PWWP2A: variants seen among roughly 807,000 people sequenced by gnomAD.
The protein encoded by PWWP2A is PWWP domain containing 2A.
PWWP2A carries 18 observed loss-of-function variants against 48.5 expected under a neutral mutation model. The ratio of observed to expected loss-of-function variants is 0.37; its 90% CI spans 0.26 to 0.55. The LOEUF (loss-of-function observed/expected upper bound fraction) is 0.55, where lower values mean the gene tolerates loss of function less well. PWWP2A is among the 20% of genes least tolerant of loss of function. The pLI, the probability that PWWP2A is intolerant of heterozygous loss-of-function variation, is 0.81. For missense variants in PWWP2A, 867 were observed against 976.4 expected, an observed-to-expected ratio of 0.89 and a Z score of 1.49; for synonymous variants, 396 against 387.7, an observed-to-expected ratio of 1.02 and a Z score of -0.25.
chr5:160,116,443 A>G (rs1018915332), intron 1 of PWWP2A, among the ~76,000 whole-genome samples: 1 of 152,166 alleles, frequency 6.6e-6, no homozygotes, highest in African/African-American at 2.4e-5. Flanking sequence ...GCGGCAGAGC[A>G]AGACTCCGTC....
the PWWP2A span, among the ~76,000 whole-genome samples, chr5:160,051,602 A>C: frequency 4.6e-5 from 7 of 152,190 alleles, no homozygotes; most frequent in African/African-American, 1.7e-4. Flanking sequence ...AGAAAATGGC[A>C]CTCAAAGTCC....
chr5:160,095,047 C>CAAAAAA (rs70987998), intron 1 of PWWP2A, among the ~76,000 whole-genome samples: 3,190 of 30,896 alleles, frequency 0.1, 1,144 homozygotes, highest in Admixed American at 0.14. Flanking sequence ...GACTCTGTCT[C>CAAAAAA]AAAAAAAAAA....
chr5:160,101,162 C>T (rs746973371), intron 1 of PWWP2A, among the ~76,000 whole-genome samples: 10 of 152,114 alleles, frequency 6.6e-5, no homozygotes, highest in Non-Finnish European at 1.3e-4. Context: ...ACCAGCCTGG[C>T]CAACATGGTG....
chr5:160,063,216 C>G (rs575983704), intron 5 of PWWP2A, among the ~76,000 whole-genome samples: 1 of 152,158 alleles, frequency 6.6e-6, no homozygotes, highest in African/African-American at 2.4e-5. Context: ...TTAGGGAGGC[C>G]TGTAAAATGT....
chr5:160,115,929 G>A (rs56820739), intron 1 of PWWP2A, among the ~76,000 whole-genome samples: 8,453 of 151,636 alleles, frequency 0.056, 273 homozygotes, highest in East Asian at 0.1. Flanking sequence ...ACATAAGTGC[G>A]AATTACAAAA....
chr5:160,096,548 T>C (rs73311157), intron 1 of PWWP2A, among the ~76,000 whole-genome samples: 1,949 of 152,340 alleles, frequency 0.013, 48 homozygotes, highest in African/African-American at 0.045. Context: ...TTTTCTAACT[T>C]GTAAGAAGGC....
At chr5:160,110,436 G>T (rs2113656116) in intron 1 of PWWP2A, among the ~76,000 whole-genome samples, 1 of 152,282 alleles carries the variant, frequency 6.6e-6, no homozygotes, top group East Asian at 1.9e-4. Context: ...GCCGGACGTG[G>T]TGGCTCAAGC....
At chr5:160,082,422 C>A (rs1487803822) in intron 2 of PWWP2A, among the ~76,000 whole-genome samples, 1 of 145,766 alleles carries the variant, frequency 6.9e-6, no homozygotes, top group Non-Finnish European at 1.5e-5. Flanking sequence ...CCAGCCTGGG[C>A]GACAGAGCGA....
chr5:160,045,552 T>TCTCC, the PWWP2A span, among the ~76,000 whole-genome samples: 1 of 87,512 alleles, frequency 1.1e-5, no homozygotes, highest in Non-Finnish European at 2.3e-5. Context: ...TCTCTCTCTC[T>TCTCC]CCCCCTCCCC....
chr5:160,090,857 T>G, downstream of PWWP2A: 5 of 984,906 alleles, frequency 5.1e-6, no homozygotes, highest in Non-Finnish European at 6.0e-6. Flanking sequence ...CCACAGCCAA[T>G]CAGATATATT....
intron 2 of PWWP2A, among the ~76,000 whole-genome samples, chr5:160,081,143 T>C (rs2113470272): frequency 6.6e-6 from 1 of 152,318 alleles, no homozygotes; most frequent in Non-Finnish European, 1.5e-5. Context: ...CGTTAGCCTA[T>C]GTTGGAGAAG....
intron 5 of PWWP2A, among the ~76,000 whole-genome samples, chr5:160,063,380 T>A (rs1404555746): frequency 1.3e-5 from 2 of 152,154 alleles, no homozygotes; most frequent in Non-Finnish European, 2.9e-5. Flanking sequence ...CACACCTAGC[T>A]AATTTTTAAA....
chr5:160,076,871 A>G (rs1753913137), exon 4 of PWWP2A: 1 of 152,130 alleles, frequency 6.6e-6, no homozygotes, highest in Non-Finnish European at 1.5e-5. Flanking sequence ...CCTTTTTTGT[A>G]GTAAGTAATC....
chr5:160,118,962 G>A lies in PWWP2A; in HGVS notation c.427C>T (p.Leu143Phe), dbSNP rs749592728. 2.2e-5 allele frequency: 35 copies of A among 1,598,370 alleles called. No homozygotes were observed. Among genetic ancestry groups the A allele is most frequent in the Non-Finnish European group, 3.0e-5 (35 of 1,174,114 alleles). ...PPLPQPVAPA[L>F]VPPAGGDSTV... is the part of the protein sequence containing the mutation. ...GAGTCCCCGCCCGCCGGCGGCACGA[G>A]CGCCGGGGCTACGGGCTGAGGCAGC... The change falls in exon 1 of 2, where the codon CTC becomes TTC. Residue 143 changes from leucine (L) to phenylalanine (F), a missense_variant. Physicochemically the swap from Leu to Phe is conservative, Grantham distance 22. This residue lies in a region of PWWP2A where 385 missense variants were observed against 396.9 expected (regional missense o/e 0.97). Coordinates refer to ENST00000307063, the MANE Select transcript of PWWP2A (RefSeq NM_001130864.2).
chr5:160,101,999 A>T (rs1756357565), intron 1 of PWWP2A, among the ~76,000 whole-genome samples: 1 of 151,626 alleles, frequency 6.6e-6, no homozygotes, highest in Non-Finnish European at 1.5e-5. Flanking sequence ...AATCCCAGCT[A>T]CTTGGGAGAC....
rs1460407825 is a variant in PWWP2A at position 160,092,394 on chromosome 5, C to T, written c.2256G>A (p.Gln752=). 5 of 1,542,146 alleles carry T rather than the reference C, an allele frequency of 3.2e-6. No individual in the cohort carries two copies. The African/African-American group carries it at 5.5e-5, about 17-fold the overall frequency. ...LTPEVRALLT[Q]FET ...TTACTGCCCATGTTCACGTTTCAAA[C>T]TGTGTCAACAAAGCCCGCACTTCGG... is the stretch of plus-strand genomic sequence containing the variant. Residue 752 remains glutamine (Q), a synonymous_variant, in exon 2 of 2, where the codon CAG becomes CAA. Transcript: ENST00000307063.
rs1367863260 is a variant in PWWP2A at position 160,078,415 on chromosome 5, G to A, written c.1670-247C>T. 6.6e-6 allele frequency among the ~76,000 whole-genome samples: 1 copy of A among 152,136 alleles called. No individual in the cohort carries two copies. The highest frequency in any genetic ancestry group is 1.5e-5 in the Non-Finnish European group (1 of 68,018). ...AGTTTCCAACACAAGTAAAATGGCT[G>A]TCATCTTTACATAATCAATGTGCAC... On this transcript the variant is annotated intron_variant, in intron 3 of 3. Coordinates refer to the PWWP2A transcript ENST00000456329. This position sits in a 1 kb window ranked among gnomAD's most constrained non-coding sequence, Gnocchi z 4.2.
At chr5:160,050,792 A>G in the PWWP2A span, among the ~76,000 whole-genome samples, 4 of 151,824 alleles carry the variant, frequency 2.6e-5, no homozygotes, top group East Asian at 7.8e-4. Context: ...CACCCAGCTA[A>G]TTTTTGTATT....
chr5:160,065,115 C>T (rs775648931), intron 4 of PWWP2A: 1 of 1,590,286 alleles, frequency 6.3e-7, no homozygotes, highest in Non-Finnish European at 8.5e-7. Flanking sequence ...GTGCTGCTTG[C>T]TGTTAGCTAG....
Sources: allele counts gnomAD v4.1 joint callset (sites outside exome capture counted in the v4.1 genomes callset), GRCh38; gene constraint gnomAD v4.1.1; regional missense constraint gnomAD v4.1.1; non-coding constraint Gnocchi (gnomAD v3.1); transcripts MANE v1.5; gene names NCBI Gene and HGNC (gene_info 2026-07-23, HGNC 2026-07-21).